The following NRXN3 variants were observed in gnomAD, a reference collection of about 807,000 sequenced individuals.
NRXN3 encodes the protein neurexin 3, also known as neurexin III.
NRXN3 carries 32 observed loss-of-function variants against 137.6 expected under a neutral mutation model. The ratio of observed to expected loss-of-function variants is 0.23; its 90% confidence interval spans 0.18 to 0.31. NRXN3 has a LOEUF of 0.31. Ranked by LOEUF, NRXN3 falls within the 10% of genes least tolerant of loss-of-function variation. The pLI, the probability that NRXN3 is intolerant of heterozygous loss-of-function variation, is 1.00. For synonymous variants in NRXN3, 798 were observed against 784.5 expected, an observed-to-expected ratio of 1.02 and a Z score of -0.29; for missense variants, 1,574 against 2,062.5, an observed-to-expected ratio of 0.76 and a Z score of 4.59.
At chr14:78,395,842 T>C (rs1304161308) in intron 4 of NRXN3, among the ~76,000 whole-genome samples, 4 of 152,046 alleles carry the variant, frequency 2.6e-5, no homozygotes, top group African/African-American at 4.8e-5. Flanking sequence ...GATTTATCTT[T>C]TTCTATCATC....
intron 19 of NRXN3, among the ~76,000 whole-genome samples, chr14:79,738,354 CAG>C (rs796630225): frequency 0.07 from 10,400 of 147,826 alleles, 450 homozygotes; most frequent in African/African-American, 0.12. Context: ...CACACACACA[CAG>C]AGGAGAAGGT....
chr14:79,064,267 G>C (rs2099677911), intron 15 of NRXN3, among the ~76,000 whole-genome samples: 1 of 152,132 alleles, frequency 6.6e-6, no homozygotes, highest in South Asian at 2.1e-4. Flanking sequence ...AGGTAGAGTG[G>C]AGTAATAATA....
intron 10 of NRXN3, among the ~76,000 whole-genome samples, chr14:78,862,276 A>T (rs2099074581): frequency 6.6e-6 from 1 of 152,064 alleles, no homozygotes; most frequent in Non-Finnish European, 1.5e-5. Context: ...AGATAAATAG[A>T]TAGATAGATG....
At chr14:79,552,861 ACT>A (rs1291894625) in intron 16 of NRXN3, among the ~76,000 whole-genome samples, 1 of 151,740 alleles carries the variant, frequency 6.6e-6, no homozygotes, top group Non-Finnish European at 1.5e-5. Context: ...ACAGGTGAAA[ACT>A]CTGTCTGGGT....
At chr14:79,010,867 G>A (rs1227027815) in intron 15 of NRXN3, among the ~76,000 whole-genome samples, 1 of 152,144 alleles carries the variant, frequency 6.6e-6, no homozygotes, top group Non-Finnish European at 1.5e-5. Flanking sequence ...ATCCAGGTTT[G>A]TCTGTTAGAA....
At chr14:79,059,878 A>G (rs1019195461) in intron 15 of NRXN3, among the ~76,000 whole-genome samples, 1 of 152,214 alleles carries the variant, frequency 6.6e-6, no homozygotes, top group Non-Finnish European at 1.5e-5. Flanking sequence ...TCTGAATCCC[A>G]TCTCTCGAAT....
At chr14:78,529,894 G>A (rs993746347) in intron 4 of NRXN3, among the ~76,000 whole-genome samples, 1 of 152,232 alleles carries the variant, frequency 6.6e-6, no homozygotes, top group Admixed American at 6.5e-5. Context: ...AGAGAACAAT[G>A]CAGGCAGGAG....
chr14:79,599,959 C>A (rs1332328813), intron 16 of NRXN3, among the ~76,000 whole-genome samples: 1 of 152,184 alleles, frequency 6.6e-6, no homozygotes, highest in Non-Finnish European at 1.5e-5. Flanking sequence ...TGCATCACTG[C>A]ACTCCAGCCT....
intron 10 of NRXN3, among the ~76,000 whole-genome samples, chr14:78,941,202 A>G (rs1365289780): frequency 6.6e-6 from 1 of 152,144 alleles, no homozygotes; most frequent in Non-Finnish European, 1.5e-5. Flanking sequence ...AATCAATGAG[A>G]AGTAGAAAGT....
chr14:78,273,573 C>T (rs940209551), intron 2 of NRXN3, among the ~76,000 whole-genome samples: 5 of 152,192 alleles, frequency 3.3e-5, no homozygotes, highest in African/African-American at 9.7e-5. Context: ...CTATACAGCT[C>T]CCTCTGCCTG....
intron 16 of NRXN3, among the ~76,000 whole-genome samples, chr14:79,593,294 T>G (rs2097825514): frequency 6.6e-6 from 1 of 152,140 alleles, no homozygotes; most frequent in South Asian, 2.1e-4. Flanking sequence ...AAAGGTATTT[T>G]AGAACGTATT....
chr14:78,419,253 T>C (rs1876256255), intron 4 of NRXN3, among the ~76,000 whole-genome samples: 1 of 152,178 alleles, frequency 6.6e-6, no homozygotes, highest in African/African-American at 2.4e-5. Context: ...TTTTATTTTA[T>C]TTTTTGATAG....
intron 19 of NRXN3, among the ~76,000 whole-genome samples, chr14:79,723,555 T>A (rs747554178): frequency 5.9e-5 from 9 of 152,112 alleles, no homozygotes; most frequent in Non-Finnish European, 1.0e-4. Context: ...TCCTTCCCCT[T>A]TGTTTTCTCC....
Position 78,337,513 on chromosome 14 carries a change from G to A in NRXN3, c.757+39653G>A, listed in dbSNP as rs1479252992. 2.0e-5 allele frequency among the ~76,000 whole-genome samples: 3 copies of A among 152,098 alleles called. No individual in the cohort carries two copies. In the East Asian group the frequency reaches 5.8e-4, roughly 29 times the overall value. ...CAGCTTTGGGGATGATAAAGTAAAT[G>A]CTCACCTAGGCTTAGGGACAGCCTC... is the stretch of plus-strand genomic sequence containing the variant. On this transcript the variant is annotated intron_variant, in intron 4 of 20. Coordinates refer to ENST00000335750, the MANE Select transcript of NRXN3 (RefSeq NM_001330195.2).
intron 4 of NRXN3, among the ~76,000 whole-genome samples, chr14:78,610,035 G>GA (rs2097286796): frequency 6.7e-6 from 1 of 148,398 alleles, no homozygotes; most frequent in African/African-American, 2.5e-5. Context: ...AGAGAGGGAG[G>GA]GAGAGAGAGA....
At chr14:78,700,832 G>A (rs570665793) in intron 6 of NRXN3, among the ~76,000 whole-genome samples, 1 of 151,892 alleles carries the variant, frequency 6.6e-6, no homozygotes, top group South Asian at 2.1e-4. Flanking sequence ...CTGTCACCCA[G>A]GCTGGAATGC....
chr14:79,403,933 T>G (rs1409626318), intron 15 of NRXN3, among the ~76,000 whole-genome samples: 1 of 152,152 alleles, frequency 6.6e-6, no homozygotes, highest in Non-Finnish European at 1.5e-5. Flanking sequence ...TATTCAAATC[T>G]TAACCCAAAC....
intron 10 of NRXN3, among the ~76,000 whole-genome samples, chr14:78,855,875 T>C (rs1175543390): frequency 1.3e-5 from 2 of 152,224 alleles, no homozygotes; most frequent in African/African-American, 4.8e-5. Flanking sequence ...TGTAATATTA[T>C]CTTATAGAAT....
chr14:78,962,718 C>CT lies in NRXN3; in HGVS notation c.2396-3304dup, dbSNP rs1285796427. 6.1e-5 allele frequency among the ~76,000 whole-genome samples: 9 copies of CT among 147,784 alleles called. No individual in the cohort carries two copies. In the East Asian group the frequency reaches 2.1e-3, roughly 34 times the overall value. On this transcript the variant is annotated intron_variant, in intron 11 of 20. Transcript: ENST00000335750. Reference sequence around the variant, plus strand: ...AATTCTTTTTCTTTCCTTTTTCTTTCTTTCTTTTTTTTTGAGACGGACTCT... The same window carrying CT: ...AATTCTTTTTCTTTCCTTTTTCTTTCTTTTCTTTTTTTTTGAGACGGACTCT...
Sources: allele counts gnomAD v4.1 joint callset (sites outside exome capture counted in the v4.1 genomes callset), GRCh38; gene constraint gnomAD v4.1.1; transcripts MANE v1.5; gene names NCBI Gene and HGNC (gene_info 2026-07-23, HGNC 2026-07-21).